GABRB2: variants seen among roughly 807,000 people sequenced by gnomAD.
GABRB2 encodes gamma-aminobutyric acid type A receptor subunit beta2.
Under a neutral mutation model 54.7 loss-of-function variants are expected in GABRB2, and 16 were observed. The observed-to-expected ratio is 0.29, with a 90% CI of 0.20 to 0.44. GABRB2 has a LOEUF of 0.44. GABRB2 is among the 20% of genes least tolerant of loss of function. GABRB2 has a pLI of 1.00. For missense variants in GABRB2, 355 were observed against 644.0 expected (o/e 0.55, Z 4.86); for synonymous variants, 244 against 233.8 (o/e 1.04, Z -0.40).
intron 3 of GABRB2, among the ~76,000 whole-genome samples, chr5:161,504,785 C>T (rs925004509): frequency 2.6e-4 from 38 of 147,012 alleles, no homozygotes; most frequent in Admixed American, 1.6e-3. Flanking sequence ...ACCACAGATC[C>T]GAAAGGAATT....
chr5:161,364,497 A>G (rs71605490), intron 5 of GABRB2, among the ~76,000 whole-genome samples: 3,361 of 152,286 alleles, frequency 0.022, 57 homozygotes, highest in Non-Finnish European at 0.034. Context: ...AACATTCCAA[A>G]ACATTCATAT....
intron 3 of GABRB2, among the ~76,000 whole-genome samples, chr5:161,487,870 T>G (rs1034998481): frequency 1.3e-5 from 2 of 151,880 alleles, no homozygotes; most frequent in African/African-American, 2.4e-5. Flanking sequence ...AATTTGTACT[T>G]TTACTACCCA....
At chr5:161,365,892 G>A (rs750361321) in intron 5 of GABRB2, among the ~76,000 whole-genome samples, 14 of 151,958 alleles carry the variant, frequency 9.2e-5, no homozygotes, top group African/African-American at 3.1e-4. Flanking sequence ...TATTCACTAC[G>A]ATTTGGGAAT....
At chr5:161,537,287 C>T (rs1347524677) in intron 3 of GABRB2, among the ~76,000 whole-genome samples, 1 of 152,188 alleles carries the variant, frequency 6.6e-6, no homozygotes, top group Non-Finnish European at 1.5e-5. Flanking sequence ...GTTAGAAGCA[C>T]CACTTATATG....
At chr5:161,502,465 G>C (rs112310074) in intron 3 of GABRB2, among the ~76,000 whole-genome samples, 2 of 151,818 alleles carry the variant, frequency 1.3e-5, no homozygotes, top group African/African-American at 4.8e-5. Flanking sequence ...CTAACTTCTG[G>C]TTCTGACTAT....
chr5:161,369,675 A>T, intron 5 of GABRB2, among the ~76,000 whole-genome samples: 1 of 152,138 alleles, frequency 6.6e-6, no homozygotes, highest in Non-Finnish European at 1.5e-5. Flanking sequence ...ACCCTTGGGA[A>T]TAGATTTGCC....
At chr5:161,504,964 A>G (rs35472320) in intron 3 of GABRB2, among the ~76,000 whole-genome samples, 60,026 of 151,932 alleles carry the variant, frequency 0.4, 13,203 homozygotes, top group African/African-American at 0.59. Flanking sequence ...GAAAAATTTT[A>G]CACACAAAAA....
At chr5:161,402,388 G>C (rs984154881) in intron 5 of GABRB2, among the ~76,000 whole-genome samples, 1 of 152,074 alleles carries the variant, frequency 6.6e-6, no homozygotes, top group Admixed American at 6.6e-5. Flanking sequence ...AAAAAGGTGA[G>C]TTCCAGTTTA....
At chr5:161,458,399 C>T (rs1399277879) in intron 4 of GABRB2, among the ~76,000 whole-genome samples, 2 of 152,186 alleles carry the variant, frequency 1.3e-5, no homozygotes, top group African/African-American at 4.8e-5. Flanking sequence ...CCACAGAGTA[C>T]AAATGTGCTC....
chr5:161,517,918 T>C (rs1446702766), intron 3 of GABRB2, among the ~76,000 whole-genome samples: 1 of 151,852 alleles, frequency 6.6e-6, no homozygotes, highest in Non-Finnish European at 1.5e-5. Flanking sequence ...TGCCTCAGCC[T>C]CCCAAGTAAC....
intron 9 of GABRB2, among the ~76,000 whole-genome samples, chr5:161,316,042 G>A (rs1758019314): frequency 6.6e-6 from 1 of 152,158 alleles, no homozygotes; most frequent in African/African-American, 2.4e-5. Flanking sequence ...CCACTCATTT[G>A]TAGTAGAAAT....
At chr5:161,306,602 G>A (rs955205662) in intron 9 of GABRB2, among the ~76,000 whole-genome samples, 1 of 152,112 alleles carries the variant, frequency 6.6e-6, no homozygotes, top group Non-Finnish European at 1.5e-5. Flanking sequence ...AGTGGACTTC[G>A]CTTCTACAGA....
chr5:161,480,658 C>T (rs1758735565), intron 3 of GABRB2, among the ~76,000 whole-genome samples: 1 of 151,946 alleles, frequency 6.6e-6, no homozygotes, highest in African/African-American at 2.4e-5. Flanking sequence ...CCTTTACTAC[C>T]TTATATTTTG....
intron 9 of GABRB2, 125 bp downstream of exon 9, chr5:161,326,243 C>T (rs1758357201): frequency 7.3e-7 from 1 of 1,363,042 alleles, no homozygotes; most frequent in South Asian, 1.6e-5. Context: ...AACTTATCCC[C>T]AAGACTCTGT....
chr5:161,327,240 C>T (rs932808752), intron 8 of GABRB2, among the ~76,000 whole-genome samples: 1 of 152,162 alleles, frequency 6.6e-6, no homozygotes, highest in African/African-American at 2.4e-5. Flanking sequence ...TAACTTGGCA[C>T]ATGAAGACAA....
chr5:161,470,622 G>A (rs923078738), intron 3 of GABRB2, among the ~76,000 whole-genome samples: 1 of 151,934 alleles, frequency 6.6e-6, no homozygotes, highest in Non-Finnish European at 1.5e-5. Flanking sequence ...AGACAGCACG[G>A]AGCTGCTGGA....
intron 5 of GABRB2, among the ~76,000 whole-genome samples, chr5:161,356,386 T>C (rs1001863614): frequency 5.3e-5 from 8 of 152,268 alleles, no homozygotes; most frequent in African/African-American, 1.9e-4. Flanking sequence ...GTGGATAAAT[T>C]CAGGTTTCTC....
intron 3 of GABRB2, among the ~76,000 whole-genome samples, chr5:161,511,286 T>A (rs367725136): frequency 2.0e-5 from 3 of 152,020 alleles, no homozygotes; most frequent in Non-Finnish European, 4.4e-5. Flanking sequence ...TATGTTTATA[T>A]CTAAAAGTTG....
intron 4 of GABRB2, among the ~76,000 whole-genome samples, chr5:161,413,495 A>C (rs1279484566): frequency 6.6e-6 from 1 of 152,186 alleles, no homozygotes; most frequent in Non-Finnish European, 1.5e-5. Context: ...AAGGTCAAAA[A>C]ATTATAACTT....
Sources: allele counts gnomAD v4.1 joint callset (sites outside exome capture counted in the v4.1 genomes callset), GRCh38; gene constraint gnomAD v4.1.1; transcripts MANE v1.5; gene names NCBI Gene and HGNC (gene_info 2026-07-23, HGNC 2026-07-21).